Variants in CEP164 observed in about 807,000 individuals in gnomAD.
CEP164 encodes centrosomal protein 164.
A neutral mutation model predicts 182.7 loss-of-function variants in CEP164; 162 were observed. The observed-to-expected ratio is 0.89, with a 90% confidence interval of 0.78 to 1.01. The LOEUF is 1.01. Ranked by LOEUF, CEP164 falls within the 50% of genes least tolerant of loss-of-function variation. The pLI is 0.00. For synonymous variants in CEP164, 661 were observed against 690.0 expected (o/e 0.96, Z 0.66); for missense variants, 1,735 against 1,790.4 (o/e 0.97, Z 0.56).
chr11:117,343,281 C>T (rs1270416165), intron 3 of CEP164, among the ~76,000 whole-genome samples: 1 of 152,230 alleles, frequency 6.6e-6, no homozygotes, highest in Non-Finnish European at 1.5e-5. Context: ...GAGTATCATC[C>T]ACTTTCTCAG....
chr11:117,372,893 C>T (rs1402514900), intron 9 of CEP164, among the ~76,000 whole-genome samples: 11 of 152,320 alleles, frequency 7.2e-5, no homozygotes, highest in East Asian at 3.9e-4. Flanking sequence ...AGACCCTTCT[C>T]GTCCATTTTT....
At chr11:117,322,736 T>C (rs568156176) in intron 1 of CEP164, among the ~76,000 whole-genome samples, 1 of 148,056 alleles carries the variant, frequency 6.8e-6, no homozygotes, top group African/African-American at 2.5e-5. Context: ...TGTGTTTATA[T>C]ATATATATGT....
At chr11:117,396,296 C>T (rs1320888378) in intron 25 of CEP164, 116 bp downstream of exon 25, 1 of 1,218,084 alleles carries the variant, frequency 8.2e-7, no homozygotes, top group East Asian at 2.3e-5. Context: ...AGGGGTGGAG[C>T]CTCAGGAGGG....
chr11:117,378,153 G>A (rs1565532000), intron 11 of CEP164, among the ~76,000 whole-genome samples: 1 of 152,146 alleles, frequency 6.6e-6, no homozygotes, highest in Non-Finnish European at 1.5e-5. Context: ...ACAGGCATGA[G>A]CCACCGTGCT....
chr11:117,402,110 A>G (rs1186877107), intron 27 of CEP164, among the ~76,000 whole-genome samples: 2 of 151,944 alleles, frequency 1.3e-5, no homozygotes, highest in African/African-American at 4.8e-5. Context: ...GTGGGCATTT[A>G]GTGCTGTAAG....
At chr11:117,364,266 A>T (rs1216621814) in intron 8 of CEP164, among the ~76,000 whole-genome samples, 2 of 152,268 alleles carry the variant, frequency 1.3e-5, no homozygotes, top group Non-Finnish European at 2.9e-5. Context: ...TCACAAGTCT[A>T]ATATATCAAG....
At chr11:117,332,367 G>C (rs2036362792) in intron 1 of CEP164, among the ~76,000 whole-genome samples, 2 of 152,088 alleles carry the variant, frequency 1.3e-5, no homozygotes, top group African/African-American at 4.8e-5. Flanking sequence ...CTGAGGATAG[G>C]AGGTCGAGAC....
chr11:117,350,555 A>G (rs2039497437), intron 4 of CEP164, among the ~76,000 whole-genome samples: 1 of 152,100 alleles, frequency 6.6e-6, no homozygotes, highest in South Asian at 2.1e-4. Flanking sequence ...CATATCTTCT[A>G]TCACTGTCCT....
intron 2 of CEP164, among the ~76,000 whole-genome samples, chr11:117,337,310 TTCC>T (rs1333286755): frequency 3.3e-5 from 5 of 152,040 alleles, no homozygotes; most frequent in Non-Finnish European, 7.4e-5. Context: ...TGGTCCTTTC[TTCC>T]TCTCCTTTTA....
upstream of CEP164, among the ~76,000 whole-genome samples, chr11:117,325,141 G>A (rs1206993443): frequency 6.6e-6 from 1 of 151,926 alleles, no homozygotes; most frequent in South Asian, 2.1e-4. Context: ...CTGGAGTGCG[G>A]TGGCGTGATC....
intron 27 of CEP164, 43 bp downstream of exon 27, chr11:117,397,356 GGC>G: frequency 1.3e-6 from 2 of 1,569,858 alleles, no homozygotes; most frequent in East Asian, 2.3e-5. Flanking sequence ...GTGTGGGGGA[GGC>G]GGGGGGAGTC....
intron 20 of CEP164, 61 bp downstream of exon 20, chr11:117,393,187 G>A: frequency 6.4e-7 from 1 of 1,574,026 alleles, no homozygotes; most frequent in South Asian, 1.1e-5. Flanking sequence ...GCACGCACAT[G>A]CACACACACA....
chr11:117,405,312 G>A (rs767653408), intron 27 of CEP164, among the ~76,000 whole-genome samples: 8 of 152,172 alleles, frequency 5.3e-5, no homozygotes, highest in African/African-American at 9.7e-5. Context: ...CCTGGTCTGC[G>A]GGTTGCAAAG....
intron 4 of CEP164, among the ~76,000 whole-genome samples, chr11:117,348,963 G>A (rs542444763): frequency 8.5e-5 from 13 of 152,112 alleles, no homozygotes; most frequent in African/African-American, 2.4e-4. Context: ...TGTAGCATGC[G>A]TGAGAATTCT....
intron 8 of CEP164, among the ~76,000 whole-genome samples, chr11:117,369,710 A>G (rs1260701597): frequency 2.0e-5 from 3 of 152,238 alleles, no homozygotes; most frequent in African/African-American, 7.2e-5. Flanking sequence ...GTTAGCACAG[A>G]TGTTTTCTAG....
At chr11:117,336,437 G>A (rs2037131124) in intron 2 of CEP164, 1 of 1,393,740 alleles carries the variant, frequency 7.2e-7, no homozygotes, top group African/African-American at 1.4e-5. Flanking sequence ...GGATACCCTG[G>A]CTGTGGTACA....
Position 117,371,483 on chromosome 11 carries a change from C to G in CEP164, c.1152+17C>G, listed in dbSNP as rs2042186566. The G allele has an allele frequency of 6.3e-7, 1 of 1,593,130 alleles. No homozygotes were observed. Among genetic ancestry groups the G allele is most frequent in the Non-Finnish European group, 8.5e-7 (1 of 1,170,866 alleles). ...GCCAGCCAAGTAAGTCACTGTATCC[C>G]ATAGGCAGGGGTTGGCTGTAGCCCT... On this transcript the variant is annotated intron_variant, in intron 9 of 32. Transcript: ENST00000278935.
At chr11:117,397,428 GC>G in intron 27 of CEP164, 115 bp downstream of exon 27, 1 of 923,766 alleles carries the variant, frequency 1.1e-6, no homozygotes, top group Non-Finnish European at 1.6e-6. Context: ...CATGAGAGTG[GC>G]CACCTTGGCC....
At chr11:117,382,643 G>A in intron 13 of CEP164, 153 bp from the exon 14 acceptor site, 1 of 779,672 alleles carries the variant, frequency 1.3e-6, no homozygotes. Context: ...GGAGAGGAAG[G>A]GCGGGGAGAG....
Sources: gnomAD v4.1 joint callset for allele counts (sites outside exome capture counted in the v4.1 genomes callset) on GRCh38, gnomAD v4.1.1 for gene constraint, MANE v1.5 for transcripts, NCBI Gene and HGNC (gene_info 2026-07-23, HGNC 2026-07-21) for gene names.